The following TLN2 variants were observed in gnomAD, a reference collection of about 807,000 sequenced individuals.
TLN2 encodes the protein talin 2.
A neutral mutation model predicts 294.7 loss-of-function variants in TLN2; 118 were observed. That is an observed-to-expected ratio of 0.40 (90% CI 0.34 to 0.47). TLN2 has a LOEUF of 0.47. Ranked by LOEUF, TLN2 falls within the 20% of genes least tolerant of loss-of-function variation. The pLI is 0.84. For missense variants in TLN2, 3,083 were observed against 3,282.2 expected (o/e 0.94, Z 1.48); for synonymous variants, 1,431 against 1,304.5 (o/e 1.10, Z -2.09).
intron 21 of TLN2, among the ~76,000 whole-genome samples, chr15:62,711,611 C>T (rs1014186858): frequency 2.0e-5 from 3 of 152,196 alleles, no homozygotes; most frequent in African/African-American, 4.8e-5. Context: ...GCTAAATCCA[C>T]GTAATTTTGT....
At position 62,702,042 on chromosome 15, in the gene TLN2, A is replaced by G. The variant is rs376720761; in HGVS notation, c.1747A>G (p.Ile583Val). Residue 583 changes from isoleucine (I) to valine (V), a missense_variant, in exon 18 of 59, where the codon ATT (isoleucine) becomes GTT (valine). Physicochemically the swap from Ile to Val is conservative, Grantham distance 29 (BLOSUM62 3). Coordinates refer to ENST00000636159, the MANE Select transcript of TLN2 (RefSeq NM_015059.3). ...AGCTGTGGGATGTGCGATCACCACT[A>G]TTTCTTCCAACCTGACGGAGATGTC... ...YTAVGCAITTISSNLTEMSKG... is the reference protein window; with the variant it reads ...YTAVGCAITTVSSNLTEMSKG... 1 of 1,614,014 alleles carries G rather than the reference A, an allele frequency of 6.2e-7. No homozygotes were observed. Among genetic ancestry groups the G allele is most frequent in the Admixed American group, 1.7e-5 (1 of 60,008 alleles).
chr15:62,405,583 A>G (rs2033347721), intron 1 of TLN2, among the ~76,000 whole-genome samples: 1 of 152,178 alleles, frequency 6.6e-6, no homozygotes, highest in Non-Finnish European at 1.5e-5. Flanking sequence ...TACTTAGGTG[A>G]GAATGAAAGC....
intron 38 of TLN2, 98 bp from the exon 39 acceptor site, chr15:62,762,174 A>G: frequency 1.5e-6 from 2 of 1,339,004 alleles, no homozygotes; most frequent in South Asian, 2.6e-5. Context: ...TTCAAAGGGC[A>G]GAGGTGGTGA....
intron 9 of TLN2, among the ~76,000 whole-genome samples, chr15:62,659,284 G>A (rs1734827625): frequency 6.6e-6 from 1 of 152,176 alleles, no homozygotes; most frequent in Admixed American, 6.6e-5. Context: ...TCCGCAAATA[G>A]CTTCTGACTT....
chr15:62,496,454 G>A (rs1290656881), intron 1 of TLN2, among the ~76,000 whole-genome samples: 1 of 152,202 alleles, frequency 6.6e-6, no homozygotes, highest in Non-Finnish European at 1.5e-5. Flanking sequence ...TAGGATGGGT[G>A]TCAGGACTCA....
chr15:62,797,117 C>A, intron 47 of TLN2, 102 bp from the exon 48 acceptor site: 1 of 1,300,956 alleles, frequency 7.7e-7, no homozygotes, highest in Non-Finnish European at 1.1e-6. Flanking sequence ...TCTTCAAAGC[C>A]CTTTAACAAA....
In TLN2 at chr15:62,748,430, C is replaced by T; in HGVS notation, c.4105C>T (p.Leu1369=). 1 of 1,613,700 alleles carries T rather than the reference C, an allele frequency of 6.2e-7. No homozygotes were observed. Among genetic ancestry groups the T allele is most frequent in the Non-Finnish European group, 8.5e-7 (1 of 1,179,938 alleles). Residue 1369 remains leucine, a synonymous_variant, in exon 33 of 59, where the codon CTG becomes TTG. Coordinates refer to ENST00000636159, the MANE Select transcript of TLN2 (RefSeq NM_015059.3). ...APGQKECDNA[L]RELETVKGML... ...GGGCCAGAAAGAGTGCGATAATGCCCTGCGGGAGCTCGAGGTAGGTCCCTG... is the reference window on the plus strand; with the variant it reads ...GGGCCAGAAAGAGTGCGATAATGCCTTGCGGGAGCTCGAGGTAGGTCCCTG...
At chr15:62,525,677 A>G (rs1262884670) in intron 1 of TLN2, among the ~76,000 whole-genome samples, 1 of 152,198 alleles carries the variant, frequency 6.6e-6, no homozygotes, top group Non-Finnish European at 1.5e-5. Context: ...CTTCAGTAAC[A>G]GGGTTCTGGA....
chr15:62,662,821 A>G (rs986478622), intron 9 of TLN2, among the ~76,000 whole-genome samples: 7 of 39,536 alleles, frequency 1.8e-4, no homozygotes, highest in African/African-American at 2.1e-4. Flanking sequence ...GGATTGAGAG[A>G]GTTTTTTTTT....
Position 62,717,634 on chromosome 15 carries a change from C to T in TLN2, c.2822C>T (p.Ala941Val), listed in dbSNP as rs776149238. ...CAGACCATCGCCGCCTCCCAGAATG[C>T]AGCTGTTTCCAACAAGAACCCTGCG... ...ATQTIAASQN[A>V]AVSNKNPAAQ... is the part of the protein sequence containing the mutation. The change falls in exon 24 of 59, where the codon GCA (alanine) becomes GTA (valine). Residue 941 changes from alanine to valine, a missense_variant. Coordinates refer to ENST00000636159, the MANE Select transcript of TLN2 (RefSeq NM_015059.3). 1.9e-6 allele frequency: 3 copies of T among 1,605,262 alleles called. No individual in the cohort carries two copies. Among genetic ancestry groups the T allele is most frequent in the Non-Finnish European group, 2.5e-6 (3 of 1,176,496 alleles).
intron 54 of TLN2, among the ~76,000 whole-genome samples, chr15:62,824,331 CTG>C (rs1374812319): frequency 4.6e-5 from 7 of 152,148 alleles, no homozygotes; most frequent in African/African-American, 1.7e-4. Context: ...CAACCCATGT[CTG>C]TGACACAGAA....
intron 1 of TLN2, among the ~76,000 whole-genome samples, chr15:62,571,934 A>G (rs1229755823): frequency 1.3e-5 from 2 of 152,214 alleles, no homozygotes; most frequent in Admixed American, 6.5e-5. Flanking sequence ...CTATCCTGTA[A>G]GGCCTCTTCA....
At chr15:62,552,467 CAAG>C (rs1436004877) in intron 1 of TLN2, among the ~76,000 whole-genome samples, 1 of 152,126 alleles carries the variant, frequency 6.6e-6, no homozygotes, top group Non-Finnish European at 1.5e-5. Context: ...TGAGATCACA[CAAG>C]AAAACACTCT....
chr15:62,759,890 G>C (rs749561234), intron 37 of TLN2, among the ~76,000 whole-genome samples: 10 of 152,140 alleles, frequency 6.6e-5, no homozygotes, highest in Non-Finnish European at 1.2e-4. Context: ...ACCCTGCCTC[G>C]CACTGGTGTT....
chr15:62,533,697 T>C (rs941200764), intron 1 of TLN2, among the ~76,000 whole-genome samples: 3 of 152,138 alleles, frequency 2.0e-5, no homozygotes, highest in African/African-American at 7.2e-5. Flanking sequence ...TGATGGCAGG[T>C]ATTTAGATGT....
chr15:62,512,807 G>A (rs538309173), intron 1 of TLN2, among the ~76,000 whole-genome samples: 16 of 152,306 alleles, frequency 1.1e-4, no homozygotes, highest in African/African-American at 3.4e-4. Context: ...ATGCTGCTCT[G>A]CTGGTTTGGG....
At chr15:62,672,498 G>A (rs2055552947) in intron 9 of TLN2, among the ~76,000 whole-genome samples, 2 of 152,150 alleles carry the variant, frequency 1.3e-5, no homozygotes, top group South Asian at 2.1e-4. Context: ...GTCATGATTG[G>A]CCATGAGTTG....
intron 55 of TLN2, chr15:62,835,059 A>C (rs2069345812): frequency 6.6e-6 from 1 of 152,202 alleles, no homozygotes; most frequent in African/African-American, 2.4e-5. Flanking sequence ...CCCCAATTTC[A>C]TATTCAAATT....
At chr15:62,684,502 G>A (rs1232333443) in intron 11 of TLN2, among the ~76,000 whole-genome samples, 1 of 152,156 alleles carries the variant, frequency 6.6e-6, no homozygotes, top group Non-Finnish European at 1.5e-5. Flanking sequence ...TAAGACTTGA[G>A]GTTCAGGGAG....
Sources: allele counts gnomAD v4.1 joint callset (sites outside exome capture counted in the v4.1 genomes callset), GRCh38; gene constraint gnomAD v4.1.1; transcripts MANE v1.5; gene names NCBI Gene and HGNC (gene_info 2026-07-23, HGNC 2026-07-21).